Variants in SPATA13 observed in about 807,000 individuals in gnomAD.
SPATA13 encodes the protein spermatogenesis associated 13.
SPATA13 carries 50 observed loss-of-function variants against 104.0 expected under a neutral mutation model. The observed-to-expected ratio is 0.48, with a 90% confidence interval of 0.38 to 0.61. The LOEUF is 0.61. Ranked by LOEUF, SPATA13 falls within the 20% of genes least tolerant of loss-of-function variation. The probability of loss-of-function intolerance (pLI) is 0.00; values close to 1 mark genes in which losing one functional copy is unlikely to be tolerated. For synonymous variants in SPATA13, 606 were observed against 667.5 expected (o/e 0.91, Z 1.42); for missense variants, 1,524 against 1,690.6 (o/e 0.90, Z 1.73).
chr13:24,175,248 TTTG>T (rs950529556), intron 1 of SPATA13, among the ~76,000 whole-genome samples: 11 of 152,014 alleles, frequency 7.2e-5, no homozygotes, highest in African/African-American at 1.9e-4. Context: ...TTAATTTGTT[TTTG>T]TTGTTGTTGT....
chr13:24,113,670 G>T (rs944487958), intron 3 of SPATA13, among the ~76,000 whole-genome samples: 4 of 151,984 alleles, frequency 2.6e-5, no homozygotes, highest in African/African-American at 9.7e-5. Flanking sequence ...AGGAGATCCA[G>T]ACCATCCTGG....
Position 24,011,664 on chromosome 13 carries a change from G to T in SPATA13, c.-146-6003G>T, listed in dbSNP as rs1162949922. ...TGTCTTGCTTTCTTCTCTTGGTGTG[G>T]CTGAAAACACCAGGCTCTAACTCTA... On this transcript the variant is annotated intron_variant, in intron 2 of 14. Transcript: ENST00000424834. The surrounding 1 kb of genome is among the most constrained non-coding windows in gnomAD (Gnocchi z 4.3). Among the ~76,000 whole-genome samples, 1 of 152,206 alleles carries T rather than the reference G, an allele frequency of 6.6e-6. No homozygotes were observed. Among genetic ancestry groups the T allele is most frequent in the Non-Finnish European group, 1.5e-5 (1 of 68,040 alleles).
At chr13:24,302,446 T>G (rs1877253337) in intron 12 of SPATA13, 152 bp from the exon 13 acceptor site, 1 of 557,414 alleles carries the variant, frequency 1.8e-6, no homozygotes, top group Non-Finnish European at 2.8e-6. Context: ...TGGGTGACAG[T>G]AAGACCCTGT....
At chr13:24,198,283 G>A (rs117519788) in intron 1 of SPATA13, among the ~76,000 whole-genome samples, 1,536 of 152,196 alleles carry the variant, frequency 0.01, 15 homozygotes, top group Non-Finnish European at 0.016. Flanking sequence ...GTGAGCCACC[G>A]CACCGAGCCA....
rs781243649 is a variant in SPATA13, at chr13:24,284,159, C to T, written c.2189C>T (p.Pro730Leu). 1 of 1,613,554 alleles carries T rather than the reference C, an allele frequency of 6.2e-7. No individual in the cohort carries two copies. Among genetic ancestry groups the T allele is most frequent in the Non-Finnish European group, 8.5e-7 (1 of 1,179,740 alleles). Reference protein sequence around the residue: ...SNVSSDGGTEPSALVDDNGSE... With the variant: ...SNVSSDGGTELSALVDDNGSE... ...GTTTCTTCAGATGGAGGTACTGAGC[C>T]CTCTGCCTTAGTGGATGACAACGGT... Residue 730 changes from proline to leucine, a missense_variant, in exon 5 of 13, where the codon CCC becomes CTC. Pro to Leu is a moderately conservative substitution (Grantham distance 98). Transcript: ENST00000382108.
intron 1 of SPATA13, among the ~76,000 whole-genome samples, chr13:24,181,255 A>G (rs1868786729): frequency 1.3e-5 from 2 of 152,324 alleles, no homozygotes; most frequent in East Asian, 1.9e-4. Flanking sequence ...TCCACTCTAA[A>G]TGTATTTAAT....
intron 10 of SPATA13, 77 bp downstream of exon 10, chr13:24,294,945 ATATCC>A: frequency 6.8e-7 from 1 of 1,461,088 alleles, no homozygotes; most frequent in Non-Finnish European, 9.4e-7. Context: ...ATGCACTTTA[ATATCC>A]TGTGGTCAAT....
intron 4 of SPATA13, among the ~76,000 whole-genome samples, chr13:24,279,583 G>C (rs1875339498): frequency 6.6e-6 from 1 of 152,158 alleles, no homozygotes; most frequent in East Asian, 1.9e-4. Context: ...GTAAGAGGTA[G>C]CCAGATCCTG....
At chr13:24,135,147 C>T (rs190224188) in intron 3 of SPATA13, among the ~76,000 whole-genome samples, 1 of 152,240 alleles carries the variant, frequency 6.6e-6, no homozygotes, top group East Asian at 1.9e-4. Flanking sequence ...AAATAAATTT[C>T]TATTGTATAA....
chr13:24,036,598 C>T (rs1236836566), intron 3 of SPATA13, among the ~76,000 whole-genome samples: 1 of 152,108 alleles, frequency 6.6e-6, no homozygotes, highest in Non-Finnish European at 1.5e-5. Context: ...GGGACGAGAT[C>T]TCTCTGAGCC....
chr13:24,156,353 A>C (rs1882256584), upstream of SPATA13, among the ~76,000 whole-genome samples: 2 of 151,970 alleles, frequency 1.3e-5, no homozygotes, highest in Non-Finnish European at 2.9e-5. Context: ...CCCCCCTCCA[A>C]ACCCAGGTGT....
intron 2 of SPATA13, among the ~76,000 whole-genome samples, chr13:24,236,735 AT>A (rs1872594991): frequency 6.6e-6 from 1 of 152,188 alleles, no homozygotes; most frequent in African/African-American, 2.4e-5. Flanking sequence ...TATAAAAAAA[AT>A]AACAAGTGTT....
chr13:24,095,795 G>A (rs1440763398), intron 3 of SPATA13, among the ~76,000 whole-genome samples: 1 of 152,162 alleles, frequency 6.6e-6, no homozygotes, highest in African/African-American at 2.4e-5. Context: ...TGCAATCCCA[G>A]CGAAGTGCTT....
chr13:24,040,413 C>G (rs1052513865), intron 3 of SPATA13, among the ~76,000 whole-genome samples: 15 of 152,130 alleles, frequency 9.9e-5, no homozygotes, highest in Middle Eastern at 3.2e-3. Flanking sequence ...AAGAGCATGA[C>G]AAGTAGTCAT....
intron 3 of SPATA13, among the ~76,000 whole-genome samples, chr13:24,112,384 T>C (rs1409030): frequency 0.64 from 97,254 of 152,120 alleles, 32,059 homozygotes; most frequent in Non-Finnish European, 0.71. Context: ...CCACATTGTA[T>C]GACAATCAAT....
rs555882106 is a variant in SPATA13 at position 24,222,901 on chromosome 13, G to A, written c.-29G>A. 238 of 1,549,966 alleles carry A rather than the reference G, an allele frequency of 1.5e-4. 1 individual carries two copies. In the African/African-American group the frequency reaches 2.7e-3, roughly 18 times the overall value. On this transcript the variant is annotated 5_prime_UTR_variant, in exon 2 of 13. Transcript: ENST00000382108. ...CCTGGAGATGAAGGCCTGGAGCTGC[G>A]GTCTGCGGACTCGGCAGTGCCCGTG...
At chr13:23,994,333 T>C (rs371373553) in intron 2 of SPATA13, among the ~76,000 whole-genome samples, 1 of 152,346 alleles carries the variant, frequency 6.6e-6, no homozygotes, top group African/African-American at 2.4e-5. Flanking sequence ...GAGCTTCAGT[T>C]CTCAGATGGA....
chr13:24,151,881 T>C (rs933439059), intron 3 of SPATA13, among the ~76,000 whole-genome samples: 1 of 152,232 alleles, frequency 6.6e-6, no homozygotes, highest in African/African-American at 2.4e-5. Context: ...GCAGTATAGA[T>C]GCTTGATTAA....
At chr13:24,283,379 G>T (rs1875692891) in intron 4 of SPATA13, among the ~76,000 whole-genome samples, 1 of 152,166 alleles carries the variant, frequency 6.6e-6, no homozygotes, top group Non-Finnish European at 1.5e-5. Context: ...TTGGACTTTT[G>T]GCTAAGATCA....
Sources: gnomAD v4.1 joint callset for allele counts (sites outside exome capture counted in the v4.1 genomes callset) on GRCh38, gnomAD v4.1.1 for gene constraint, Gnocchi (gnomAD v3.1) non-coding constraint, MANE v1.5 for transcripts, NCBI Gene and HGNC (gene_info 2026-07-23, HGNC 2026-07-21) for gene names.